The following OTUD7A variants were observed in gnomAD, a reference collection of about 807,000 sequenced individuals.
The protein encoded by OTUD7A is OTU domain-containing protein 7A.
In OTUD7A, 12 loss-of-function variants were observed where a neutral mutation model predicts 65.7. The ratio of observed to expected loss-of-function variants is 0.18; its 90% CI spans 0.12 to 0.30. OTUD7A has a LOEUF of 0.30. OTUD7A is among the 10% of genes least tolerant of loss of function. The probability of loss-of-function intolerance (pLI) is 1.00; values close to 1 mark genes in which losing one functional copy is unlikely to be tolerated. For missense variants in OTUD7A, 1,148 were observed against 1,304.8 expected, an observed-to-expected ratio of 0.88 and a Z score of 1.85; for synonymous variants, 641 against 586.3, an observed-to-expected ratio of 1.09 and a Z score of -1.35.
intron 1 of OTUD7A, among the ~76,000 whole-genome samples, chr15:31,851,748 A>G (rs577182351): frequency 1.5e-3 from 228 of 152,260 alleles, no homozygotes; most frequent in Non-Finnish European, 2.8e-3. Context: ...CCAGTTACAC[A>G]TCCCCATGAT....
At chr15:31,604,552 A>ACTGCACATTCTGCACATT (rs36233033) in intron 3 of OTUD7A, among the ~76,000 whole-genome samples, 3 of 151,638 alleles carry the variant, frequency 2.0e-5, no homozygotes, top group East Asian at 1.9e-4. Context: ...GTGTAACACA[A>ACTGCACATTCTGCACATT]CTGCACATTC....
At chr15:31,512,912 T>C (rs182987719) in intron 8 of OTUD7A, among the ~76,000 whole-genome samples, 2 of 152,368 alleles carry the variant, frequency 1.3e-5, no homozygotes, top group East Asian at 3.9e-4. Context: ...CTAAAAGAAG[T>C]TACTATTTAT....
intron 1 of OTUD7A, among the ~76,000 whole-genome samples, chr15:31,665,694 G>A (rs1195399162): frequency 6.6e-6 from 1 of 152,164 alleles, no homozygotes; most frequent in Non-Finnish European, 1.5e-5. Flanking sequence ...CAAGTACTAT[G>A]TTGAAGAGGA....
chr15:31,858,610 C>G (rs1284851909), intron 1 of OTUD7A, among the ~76,000 whole-genome samples: 1 of 152,174 alleles, frequency 6.6e-6, no homozygotes, highest in African/African-American at 2.4e-5. Context: ...ACAGATGCTG[C>G]TGCCACAGAA....
intron 8 of OTUD7A, among the ~76,000 whole-genome samples, chr15:31,504,040 T>C (rs946863562): frequency 6.6e-6 from 1 of 152,046 alleles, no homozygotes; most frequent in Non-Finnish European, 1.5e-5. Flanking sequence ...TCTCAGAAGA[T>C]GAGTTGGAAA....
chr15:31,766,096 G>A (rs1895087449), intron 1 of OTUD7A: 1 of 1,454,846 alleles, frequency 6.9e-7, no homozygotes, highest in Non-Finnish European at 9.6e-7. Flanking sequence ...TAGTCAAGAT[G>A]TTTTTCCACT....
intron 4 of OTUD7A, among the ~76,000 whole-genome samples, chr15:31,564,965 T>C (rs73372589): frequency 0.027 from 4,125 of 152,140 alleles, 196 homozygotes; most frequent in African/African-American, 0.093. Context: ...AGCCTATATA[T>C]TGGTCAAAAA....
At chr15:31,599,556 A>G (rs12324344) in intron 3 of OTUD7A, among the ~76,000 whole-genome samples, 3 of 152,290 alleles carry the variant, frequency 2.0e-5, no homozygotes, top group Admixed American at 6.5e-5. Context: ...AAAGGCTGAA[A>G]ATTCCAAAAA....
chr15:31,842,171 A>C (rs1897198192), intron 1 of OTUD7A, among the ~76,000 whole-genome samples: 1 of 152,250 alleles, frequency 6.6e-6, no homozygotes, highest in South Asian at 2.1e-4. Context: ...CACATACATA[A>C]AGCACAAAAC....
At position 31,483,706 on chromosome 15, in the gene OTUD7A, G is replaced by A; in HGVS notation, c.2390C>T (p.Ala797Val). The change falls in exon 13 of 13, where the codon GCG becomes GTG. Residue 797 changes from alanine (A) to valine (V), a missense_variant. Transcript: ENST00000307050. ...RDEACAPAVG[A>V]LRPCATYPQQ... ...CGGGTACGTGGCGCACGGCCGCAGCGCCCCCACGGCCGGCGCGCACGCCTC... is the reference window on the plus strand; with the variant it reads ...CGGGTACGTGGCGCACGGCCGCAGCACCCCCACGGCCGGCGCGCACGCCTC... 2 of 1,146,816 alleles carry A rather than the reference G, an allele frequency of 1.7e-6. No individual in the cohort carries two copies. Among genetic ancestry groups the A allele is most frequent in the Admixed American group, 4.9e-5 (1 of 20,598 alleles). The allele number at this position is 1,146,816 out of a possible 1,614,324, so 71.0% of individuals were successfully genotyped here. A position where few individuals can be genotyped will look rare whatever the true frequency, so the allele number is the denominator to read the frequency against.
At chr15:31,518,564 C>G (rs1246085881) in intron 8 of OTUD7A, among the ~76,000 whole-genome samples, 1 of 152,244 alleles carries the variant, frequency 6.6e-6, no homozygotes, top group Non-Finnish European at 1.5e-5. Flanking sequence ...CCTCCCACCT[C>G]TAGGTAGCAT....
chr15:31,792,694 A>G (rs1895850097), intron 1 of OTUD7A, among the ~76,000 whole-genome samples: 1 of 152,190 alleles, frequency 6.6e-6, no homozygotes, highest in Non-Finnish European at 1.5e-5. Context: ...GACCACCACC[A>G]GATAAAATTC....
rs543055195 is a variant in OTUD7A, at chr15:31,655,258, A to G, written c.-4-8T>C. The stretch of plus-strand genomic sequence containing the variant: ...ACACTAGAAACCATCCATCTGCAGG[A>G]AAGAAGAGAAAGGGCATTTTACCAC... On this transcript the variant is annotated splice_region_variant and splice_polypyrimidine_tract_variant and intron_variant, in intron 2 of 12. Coordinates refer to ENST00000307050, the MANE Select transcript of OTUD7A (RefSeq NM_001382637.1). The G allele has an allele frequency of 3.4e-5, 42 of 1,221,924 alleles. No homozygotes were observed. In the African/African-American group the frequency reaches 5.8e-4, roughly 17 times the overall value. The allele number at this position is 1,221,924 out of a possible 1,614,324, so 75.7% of individuals were successfully genotyped here.
chr15:31,796,881 T>C (rs150779025), intron 1 of OTUD7A, among the ~76,000 whole-genome samples: 3,559 of 152,246 alleles, frequency 0.023, 115 homozygotes, highest in African/African-American at 0.078. Flanking sequence ...ATTACAGGCA[T>C]GCACCACCAT....
intron 1 of OTUD7A, among the ~76,000 whole-genome samples, chr15:31,657,756 C>T (rs924979924): frequency 6.6e-6 from 1 of 152,148 alleles, no homozygotes; most frequent in African/African-American, 2.4e-5. Flanking sequence ...CTGGTGGGGA[C>T]ATTTGACCCC....
chr15:31,655,428 T>A, intron 2 of OTUD7A, 178 bp from the exon 3 acceptor site: 1 of 469,382 alleles, frequency 2.1e-6, no homozygotes, highest in Non-Finnish European at 3.7e-6. Context: ...AGACATTATA[T>A]TATAGAATGC....
chr15:31,487,095 A>C lies in OTUD7A; in HGVS notation c.1371+99T>G. 8.2e-7 allele frequency: 1 copy of C among 1,216,366 alleles called. No individual in the cohort carries two copies. Among genetic ancestry groups the C allele is most frequent in the Non-Finnish European group, 1.2e-6 (1 of 856,632 alleles). 75.3% of individuals were successfully genotyped at this position (1,216,366 alleles called of 1,614,324 possible). A position where few individuals can be genotyped will look rare whatever the true frequency, so the allele number is the denominator to read the frequency against. On this transcript the variant is annotated intron_variant, in intron 12 of 12. Coordinates refer to ENST00000307050, the MANE Select transcript of OTUD7A (RefSeq NM_001382637.1). This position sits in a 1 kb window ranked among gnomAD's most constrained non-coding sequence, Gnocchi z 6.0. ...GGTGGGCGGCCGGGCAGGGGCAGGC[A>C]AGAGTGTGGGAGCATTTGGGAGGAT... is the stretch of plus-strand genomic sequence containing the variant.
At chr15:31,492,914 C>T (rs1486222294) in intron 10 of OTUD7A, among the ~76,000 whole-genome samples, 7 of 152,098 alleles carry the variant, frequency 4.6e-5, no homozygotes, top group Non-Finnish European at 8.8e-5. Context: ...ATGCTGTCTA[C>T]AAGAATCTCA....
intron 1 of OTUD7A, among the ~76,000 whole-genome samples, chr15:31,738,258 T>C (rs1176979574): frequency 6.6e-6 from 1 of 151,992 alleles, no homozygotes; most frequent in Non-Finnish European, 1.5e-5. Flanking sequence ...GAGCTAATGA[T>C]GAGGATTCCA....
Sources: gnomAD v4.1 joint callset for allele counts (sites outside exome capture counted in the v4.1 genomes callset) on GRCh38, gnomAD v4.1.1 for gene constraint, Gnocchi (gnomAD v3.1) non-coding constraint, MANE v1.5 for transcripts, NCBI Gene and HGNC (gene_info 2026-07-23, HGNC 2026-07-21) for gene names.